The following NCAPG variants were observed in gnomAD, a reference collection of about 807,000 sequenced individuals.
NCAPG encodes the protein non-SMC condensin I complex subunit G, also known as condensin complex subunit 3.
In NCAPG, 69 loss-of-function variants were observed where a neutral mutation model predicts 113.1. The observed-to-expected ratio is 0.61, with a 90% CI of 0.50 to 0.75. NCAPG has a LOEUF of 0.75. Ranked by LOEUF, NCAPG falls within the 30% of genes least tolerant of loss-of-function variation. The probability of loss-of-function intolerance (pLI) is 0.00; values close to 1 mark genes in which losing one functional copy is unlikely to be tolerated. For missense variants in NCAPG, 1,058 were observed against 1,177.0 expected (o/e 0.90, Z 1.48); for synonymous variants, 370 against 415.8 (o/e 0.89, Z 1.34).
intron 3 of NCAPG, 117 bp from the exon 4 acceptor site, chr4:17,814,736 G>GC (rs1224536404): frequency 8.5e-7 from 1 of 1,179,602 alleles, no homozygotes; most frequent in Admixed American, 2.3e-5. Flanking sequence ...TAGCCATCAT[G>GC]CCCAGCCTAT....
chr4:17,823,223 C>G (rs372211523), intron 8 of NCAPG, 100 bp downstream of exon 8: 1 of 1,164,674 alleles, frequency 8.6e-7, no homozygotes, highest in Non-Finnish European at 1.2e-6. Flanking sequence ...TACCCTAGCT[C>G]TCTAAAGTGG....
At chr4:17,826,782 G>A (rs1263913536) in intron 11 of NCAPG, among the ~76,000 whole-genome samples, 1 of 152,174 alleles carries the variant, frequency 6.6e-6, no homozygotes, top group Non-Finnish European at 1.5e-5. Flanking sequence ...GTAGAGTATT[G>A]TTGGCTTCCC....
chr4:17,824,915 AC>A, intron 9 of NCAPG, 52 bp from the exon 10 acceptor site: 1 of 1,281,162 alleles, frequency 7.8e-7, no homozygotes, highest in South Asian at 1.3e-5. Flanking sequence ...GAATTTTGAT[AC>A]TATTTGCTGA....
intron 16 of NCAPG, among the ~76,000 whole-genome samples, chr4:17,838,352 CTATTT>C (rs1402249105): frequency 1.3e-5 from 2 of 152,260 alleles, no homozygotes; most frequent in Admixed American, 6.5e-5. Context: ...AAGTATTACT[CTATTT>C]TATTTGATAT....
At chr4:17,833,113 C>T (rs530404861) in intron 13 of NCAPG, among the ~76,000 whole-genome samples, 39 of 151,916 alleles carry the variant, frequency 2.6e-4, no homozygotes, top group Non-Finnish European at 4.1e-4. Context: ...GGCACACACC[C>T]GTAATCCCAG....
At position 17,840,638 on chromosome 4, in the gene NCAPG, C is replaced by T; in HGVS notation, c.2799C>T (p.Leu933=). 1 of 1,557,344 alleles carries T rather than the reference C, an allele frequency of 6.4e-7. No homozygotes were observed. The highest frequency in any genetic ancestry group is 8.7e-7 in the Non-Finnish European group (1 of 1,153,090). ...EKNKEVYMTP[L]RGVKATQASK... The stretch of plus-strand genomic sequence containing the variant: ...ATAAAGAAGTATATATGACTCCACT[C>T]AGGGGTGTAAAAGCAACCCAAGCAT... Residue 933 remains leucine, a synonymous_variant, in exon 19 of 21, where the codon CTC becomes CTT. Coordinates refer to ENST00000251496, the MANE Select transcript of NCAPG (RefSeq NM_022346.5).
chr4:17,844,774 C>G lies in NCAPG; in HGVS notation c.*1349C>G, dbSNP rs962242657. ...AAAATCCCATTCACACATGGCCAGG[C>G]TATCCAAAAAGAAAGGAGCCATGTT... On this transcript the variant is annotated 3_prime_UTR_variant, in exon 21 of 21. Coordinates refer to ENST00000251496, the MANE Select transcript of NCAPG (RefSeq NM_022346.5). 9 of 152,418 alleles carry G rather than the reference C, an allele frequency of 5.9e-5. No homozygotes were observed. Among genetic ancestry groups the G allele is most frequent in the Non-Finnish European group, 1.0e-4 (7 of 67,912 alleles). The allele number at this position is 152,418 out of a possible 1,614,324, so 9.4% of individuals were successfully genotyped here.
chr4:17,823,253 C>A, intron 8 of NCAPG, 130 bp downstream of exon 8: 1 of 784,002 alleles, frequency 1.3e-6, no homozygotes, highest in South Asian at 1.8e-5. Flanking sequence ...TTTTCTTTTC[C>A]CTTCTACATA....
At position 17,838,530 on chromosome 4, in the gene NCAPG, A is replaced by G. The variant is rs561878128; in HGVS notation, c.2466+729A>G. On this transcript the variant is annotated intron_variant, in intron 16 of 20. Coordinates refer to ENST00000251496, the MANE Select transcript of NCAPG (RefSeq NM_022346.5). The stretch of plus-strand genomic sequence containing the variant: ...GTCATGTGGTAGGAATGATGAGTAC[A>G]GCATTAGTTTTAAAACTCATTGACC... Among the ~76,000 whole-genome samples, 41 of 152,340 alleles carry G rather than the reference A, an allele frequency of 2.7e-4. 1 individual carries two copies. The South Asian group carries it at 6.6e-3, about 25-fold the overall frequency.
rs1442138808 is a variant in NCAPG, at chr4:17,811,201, G to C, written c.111+13G>C. 15 of 1,445,616 alleles carry C rather than the reference G, an allele frequency of 1.0e-5. No homozygotes were observed. Among genetic ancestry groups the C allele is most frequent in the Non-Finnish European group, 1.4e-5 (15 of 1,089,606 alleles). 89.5% of individuals were successfully genotyped at this position (1,445,616 alleles called of 1,614,324 possible). On this transcript the variant is annotated intron_variant, in intron 1 of 20. Transcript: ENST00000251496. This position sits in a 1 kb window ranked among gnomAD's most constrained non-coding sequence, Gnocchi z 5.3. ...CACCTACCGCACGGTAAGCGCTCCC[G>C]GCCCCGGCCGCCGCCTCTCGCCCGC...
intron 13 of NCAPG, among the ~76,000 whole-genome samples, chr4:17,833,779 G>A (rs1721973715): frequency 1.3e-5 from 2 of 151,948 alleles, no homozygotes; most frequent in Non-Finnish European, 2.9e-5. Flanking sequence ...TGAAAACTGA[G>A]TTTACTGTTA....
chr4:17,823,661 C>T lies in NCAPG; in HGVS notation c.1274C>T (p.Ala425Val), dbSNP rs1239886410. The change falls in exon 9 of 21, where the codon GCT (alanine) becomes GTT (valine). Residue 425 changes from alanine to valine, a missense_variant. Physicochemically the swap from Ala to Val is moderately conservative, Grantham distance 64. Transcript: ENST00000251496. ...TTTGACTGCAGAAAAAAACTGCTGGCTGTTTTACAGGAGATTCTTATTTTA... is the reference window on the plus strand; with the variant it reads ...TTTGACTGCAGAAAAAAACTGCTGGTTGTTTTACAGGAGATTCTTATTTTA... ...SEEGGRKKLL[A>V]VLQEILILPT... 3 of 1,607,012 alleles carry T rather than the reference C, an allele frequency of 1.9e-6. No homozygotes were observed. Among genetic ancestry groups the T allele is most frequent in the Non-Finnish European group, 2.5e-6 (3 of 1,177,152 alleles).
Position 17,813,124 on chromosome 4 carries a change from G to T in NCAPG, c.523G>T (p.Asp175Tyr). ...ALSRLQDPKD[D>Y]ECPVVNAYAT... ...TTCACGACTTCAGGATCCCAAGGAT[G>T]ATGAATGCCCAGTGGTTAATGGTGT... Residue 175 changes from aspartate to tyrosine, a missense_variant, in exon 3 of 21, where the codon GAT (aspartate) becomes TAT (tyrosine). Transcript: ENST00000251496. 3 of 1,613,744 alleles carry T rather than the reference G, an allele frequency of 1.9e-6. No homozygotes were observed. Among genetic ancestry groups the T allele is most frequent in the South Asian group, 1.1e-5 (1 of 91,060 alleles).
At chr4:17,842,605 CT>C in intron 20 of NCAPG, 1 of 440,016 alleles carries the variant, frequency 2.3e-6, no homozygotes, top group Admixed American at 3.8e-5. Flanking sequence ...TTAGTACTAT[CT>C]TTAATATGTT....
At chr4:17,820,610 CA>C (rs1039218329) in intron 7 of NCAPG, among the ~76,000 whole-genome samples, 3 of 150,910 alleles carry the variant, frequency 2.0e-5, no homozygotes, top group African/African-American at 7.3e-5. Context: ...TCAAAAAAAA[CA>C]AAAAAAAGAA....
chr4:17,815,150 T>C (rs1482776282), intron 4 of NCAPG, 124 bp from the exon 5 acceptor site: 19 of 1,236,748 alleles, frequency 1.5e-5, no homozygotes, highest in Admixed American at 1.4e-4. Flanking sequence ...CTTACTGTAT[T>C]AAGTATGTTA....
rs1396578105 is a variant in NCAPG at position 17,837,243 on chromosome 4, C to T, written c.2194C>T (p.Arg732Cys). The change falls in exon 15 of 21, where the codon CGT becomes TGT. Residue 732 changes from arginine (R) to cysteine (C), a missense_variant. Arg to Cys is a radical substitution (Grantham distance 180). Transcript: ENST00000251496. ...TTTGGTCAGCAGCAGGATTCTTTCT[C>T]GTCTTATTTTGTTATGGTACAATCC... The part of the protein sequence containing the change: ...GLLVSSRILS[R>C]LILLWYNPVT... 7.4e-6 allele frequency: 12 copies of T among 1,613,814 alleles called. No homozygotes were observed. Among genetic ancestry groups the T allele is most frequent in the Admixed American group, 1.7e-5 (1 of 59,962 alleles).
intron 14 of NCAPG, among the ~76,000 whole-genome samples, chr4:17,834,896 CT>C (rs1722032047): frequency 6.6e-6 from 1 of 152,066 alleles, no homozygotes; most frequent in Non-Finnish European, 1.5e-5. Context: ...TACCTAATTT[CT>C]CACTATCAAA....
chr4:17,821,042 T>G (rs892853496), intron 7 of NCAPG, among the ~76,000 whole-genome samples: 6 of 152,178 alleles, frequency 3.9e-5, no homozygotes, highest in African/African-American at 1.4e-4. Context: ...GTAACTAAAA[T>G]TGGTGGGTCA....
Sources: gnomAD v4.1 joint callset for allele counts (sites outside exome capture counted in the v4.1 genomes callset) on GRCh38, gnomAD v4.1.1 for gene constraint, Gnocchi (gnomAD v3.1) non-coding constraint, MANE v1.5 for transcripts, NCBI Gene and HGNC (gene_info 2026-07-23, HGNC 2026-07-21) for gene names.